CCNY: variants seen among roughly 807,000 people sequenced by gnomAD.
CCNY encodes cyclin-Y.
CCNY carries 19 observed loss-of-function variants against 42.8 expected under a neutral mutation model. That is an observed-to-expected ratio of 0.44 (90% confidence interval 0.31 to 0.65). CCNY has a LOEUF of 0.65. Ranked by LOEUF, CCNY falls within the 30% of genes least tolerant of loss-of-function variation. The pLI, the probability that CCNY is intolerant of heterozygous loss-of-function variation, is 0.07. For synonymous variants in CCNY, 165 were observed against 162.7 expected (o/e 1.01, Z -0.11); for missense variants, 370 against 437.3 (o/e 0.85, Z 1.37).
chr10:35,464,767 T>C (rs1473681174), intron 1 of CCNY, among the ~76,000 whole-genome samples: 1 of 152,192 alleles, frequency 6.6e-6, no homozygotes, highest in South Asian at 2.1e-4. Context: ...CGTGTTTCTC[T>C]TAAGGAACAC....
At chr10:35,428,124 AG>A (rs1295035413) in intron 1 of CCNY, among the ~76,000 whole-genome samples, 7 of 152,216 alleles carry the variant, frequency 4.6e-5, no homozygotes, top group Non-Finnish European at 1.5e-5. Context: ...ACTGCATAGC[AG>A]GCATTGAGTT....
intron 1 of CCNY, among the ~76,000 whole-genome samples, chr10:35,464,098 A>C (rs1839209505): frequency 6.6e-6 from 1 of 152,156 alleles, no homozygotes; most frequent in Admixed American, 6.5e-5. Context: ...GATGGGGCTT[A>C]ATTGGATTGA....
At chr10:35,549,823 A>G (rs1373117505) in intron 7 of CCNY, among the ~76,000 whole-genome samples, 3 of 28,664 alleles carry the variant, frequency 1.0e-4, no homozygotes, top group East Asian at 2.8e-3. Flanking sequence ...CTCATGGCCC[A>G]TGACCCTACA....
chr10:35,265,018 C>G (rs1166703125), intron 3 of CCNY, among the ~76,000 whole-genome samples: 1 of 152,148 alleles, frequency 6.6e-6, no homozygotes. Context: ...AGACCACTGT[C>G]AGATGGATAG....
intron 1 of CCNY, among the ~76,000 whole-genome samples, chr10:35,456,867 C>T (rs533937654): frequency 1.3e-5 from 2 of 152,210 alleles, no homozygotes; most frequent in African/African-American, 2.4e-5. Flanking sequence ...GAATCAGAGA[C>T]GTGGCCTAGA....
At chr10:35,281,945 T>C (rs1268856423) in intron 3 of CCNY, among the ~76,000 whole-genome samples, 1 of 152,122 alleles carries the variant, frequency 6.6e-6, no homozygotes, top group African/African-American at 2.4e-5. Context: ...CTTAATCTCA[T>C]GGTTAATTTT....
Position 35,569,094 on chromosome 10 carries a change from G to T in CCNY, c.950G>T (p.Arg317Ile). ...TGCGAGGACAAGTACAAGGACCTAA[G>T]AAGATCCGCGAGGAAGCGCTCAGCC... ...RLCEDKYKDLRRSARKRSASA... is the reference protein window; with the variant it reads ...RLCEDKYKDLIRSARKRSASA... The change falls in exon 10 of 10, where the codon AGA becomes ATA. Residue 317 changes from arginine (R) to isoleucine (I), a missense_variant. Around this residue, in one of 2 missense-constraint regions of CCNY, gnomAD observed 234 missense variants for 313.1 expected, o/e 0.75. Transcript: ENST00000374704. The T allele has an allele frequency of 6.2e-7, 1 of 1,613,222 alleles. No homozygotes were observed.
chr10:35,470,705 C>T lies in CCNY; in HGVS notation c.155-12699C>T, dbSNP rs529447955. On this transcript the variant is annotated intron_variant, in intron 1 of 9. Coordinates refer to ENST00000374704, the MANE Select transcript of CCNY (RefSeq NM_145012.6). ...CAGCCACAGCAGGAGCTGTTGTTCT[C>T]GTGGGAATGCTGATGTGGGCTGCTG... Among the ~76,000 whole-genome samples the T allele has an allele frequency of 3.0e-4, 46 of 152,312 alleles. No individual in the cohort carries two copies. The South Asian group carries it at 8.3e-3, about 27-fold the overall frequency.
At chr10:35,456,125 G>C (rs888133430) in intron 1 of CCNY, among the ~76,000 whole-genome samples, 1 of 152,126 alleles carries the variant, frequency 6.6e-6, no homozygotes, top group Admixed American at 6.6e-5. Context: ...ACAATTGTAT[G>C]TACTGGTGTG....
At chr10:35,464,212 C>A (rs1428431580) in intron 1 of CCNY, among the ~76,000 whole-genome samples, 1 of 152,198 alleles carries the variant, frequency 6.6e-6, no homozygotes, top group Non-Finnish European at 1.5e-5. Flanking sequence ...TGCATGGCCC[C>A]ATTGTCAACC....
chr10:35,396,476 C>A (rs1383654405), intron 1 of CCNY, among the ~76,000 whole-genome samples: 1 of 152,180 alleles, frequency 6.6e-6, no homozygotes, highest in African/African-American at 2.4e-5. Flanking sequence ...TCTTGGCCCT[C>A]CGTAATTGAA....
At chr10:35,331,093 G>A (rs1396158599) in intron 3 of CCNY, among the ~76,000 whole-genome samples, 2 of 152,182 alleles carry the variant, frequency 1.3e-5, no homozygotes, top group Non-Finnish European at 2.9e-5. Context: ...TTCTGGAAGC[G>A]TCCACTCACA....
intron 3 of CCNY, chr10:35,314,961 A>G (rs999236844): frequency 6.6e-6 from 1 of 152,164 alleles, no homozygotes; most frequent in Admixed American, 6.6e-5. Context: ...CAAGCCTGTA[A>G]TCCCAGCTAC....
At chr10:35,251,392 A>G (rs16935945) in intron 3 of CCNY, among the ~76,000 whole-genome samples, 1 of 151,930 alleles carries the variant, frequency 6.6e-6, no homozygotes, top group Non-Finnish European at 1.5e-5. Flanking sequence ...TTGGCAGCAC[A>G]GATGAGACAG....
chr10:35,356,488 G>T (rs570207198), intron 1 of CCNY, among the ~76,000 whole-genome samples: 18 of 152,252 alleles, frequency 1.2e-4, no homozygotes, highest in Middle Eastern at 6.8e-3. Context: ...GTGTTGTAGC[G>T]CATGTTTGAG....
intron 3 of CCNY, among the ~76,000 whole-genome samples, chr10:35,512,918 A>G (rs553215106): frequency 2.0e-5 from 3 of 152,014 alleles, no homozygotes; most frequent in Non-Finnish European, 4.4e-5. Flanking sequence ...CCTCCTCCTC[A>G]TCATCCTGCG....
At chr10:35,481,680 G>A (rs765822131) in intron 1 of CCNY, among the ~76,000 whole-genome samples, 7 of 152,190 alleles carry the variant, frequency 4.6e-5, no homozygotes, top group Admixed American at 1.3e-4. Context: ...TTTTCTAGGG[G>A]ACTATGTGTT....
chr10:35,249,266 A>G (rs1347394279), intron 2 of CCNY, among the ~76,000 whole-genome samples: 1 of 152,182 alleles, frequency 6.6e-6, no homozygotes, highest in Non-Finnish European at 1.5e-5. Flanking sequence ...GATGCCTTAT[A>G]TTGAGACTAA....
intron 3 of CCNY, among the ~76,000 whole-genome samples, chr10:35,276,841 G>A (rs1279788399): frequency 6.6e-6 from 1 of 152,206 alleles, no homozygotes; most frequent in Non-Finnish European, 1.5e-5. Flanking sequence ...TCAGCTTGTG[G>A]GTGTTCTGCC....
Sources: allele counts gnomAD v4.1 joint callset (sites outside exome capture counted in the v4.1 genomes callset), GRCh38; gene constraint gnomAD v4.1.1; regional missense constraint gnomAD v4.1.1; transcripts MANE v1.5; gene names NCBI Gene and HGNC (gene_info 2026-07-23, HGNC 2026-07-21).